Variants in SEMA6D observed in about 807,000 individuals in gnomAD.
SEMA6D encodes the protein semaphorin 6D.
Under a neutral mutation model 106.6 loss-of-function variants are expected in SEMA6D, and 35 were observed. That is an observed-to-expected ratio of 0.33 (90% CI 0.25 to 0.44). The LOEUF is 0.44. Among genes scored for constraint, SEMA6D ranks in the 20% least tolerant of loss-of-function variants. The probability of loss-of-function intolerance (pLI) is 1.00; values close to 1 mark genes in which losing one functional copy is unlikely to be tolerated. For synonymous variants in SEMA6D, 499 were observed against 487.7 expected (o/e 1.02, Z -0.31); for missense variants, 1,185 against 1,345.9 (o/e 0.88, Z 1.87).
At chr15:47,246,633 C>T (rs528280775) in intron 1 of SEMA6D, among the ~76,000 whole-genome samples, 1 of 152,326 alleles carries the variant, frequency 6.6e-6, no homozygotes, top group African/African-American at 2.4e-5. Context: ...TCTGACCCTT[C>T]TCCCATCATT....
intron 1 of SEMA6D, among the ~76,000 whole-genome samples, chr15:47,400,938 A>G (rs562623937): frequency 6.6e-6 from 1 of 152,334 alleles, no homozygotes; most frequent in South Asian, 2.1e-4. Flanking sequence ...AATTAACGGT[A>G]TAGATTCAAG....
chr15:47,222,777 T>A (rs1290439974), intron 1 of SEMA6D, among the ~76,000 whole-genome samples: 1 of 152,222 alleles, frequency 6.6e-6, no homozygotes, highest in Non-Finnish European at 1.5e-5. Flanking sequence ...TATTAACAGA[T>A]GCCCAGTCTC....
At chr15:47,639,666 T>C (rs1024427866) in intron 4 of SEMA6D, among the ~76,000 whole-genome samples, 5 of 152,248 alleles carry the variant, frequency 3.3e-5, no homozygotes, top group African/African-American at 1.2e-4. Flanking sequence ...AGAAGTCATG[T>C]TGATGGCATG....
At chr15:47,355,242 A>G (rs1409373758) in intron 1 of SEMA6D, among the ~76,000 whole-genome samples, 2 of 152,236 alleles carry the variant, frequency 1.3e-5, no homozygotes, top group African/African-American at 4.8e-5. Context: ...TCAGTTAAAT[A>G]CAGATAAGAG....
chr15:47,245,639 C>A (rs1343494325), intron 1 of SEMA6D, among the ~76,000 whole-genome samples: 1 of 152,188 alleles, frequency 6.6e-6, no homozygotes, highest in African/African-American at 2.4e-5. Context: ...TTATTATTCA[C>A]AATCTCTTTC....
chr15:47,383,458 C>T (rs12910916), intron 1 of SEMA6D, among the ~76,000 whole-genome samples: 33,426 of 152,048 alleles, frequency 0.22, 3,959 homozygotes, highest in Middle Eastern at 0.34. Flanking sequence ...ATTTTGAAAC[C>T]GGCCAGTGCT....
intron 1 of SEMA6D, among the ~76,000 whole-genome samples, chr15:47,206,971 A>G (rs1895114359): frequency 6.6e-6 from 1 of 152,144 alleles, no homozygotes; most frequent in Admixed American, 6.6e-5. Context: ...AAGAGAGAGA[A>G]AAAATAACTT....
intron 4 of SEMA6D, among the ~76,000 whole-genome samples, chr15:47,628,375 G>T (rs77982052): frequency 0.058 from 8,744 of 151,986 alleles, 281 homozygotes; most frequent in African/African-American, 0.082. Flanking sequence ...TTTCTATTCT[G>T]ACCAGCAAGG....
chr15:47,741,536 G>T (rs376364163), intron 1 of SEMA6D, among the ~76,000 whole-genome samples: 4 of 152,140 alleles, frequency 2.6e-5, no homozygotes, highest in African/African-American at 9.7e-5. Flanking sequence ...GACCAACGTG[G>T]AGAAACCTCG....
At chr15:47,400,296 C>G (rs1434346156) in intron 1 of SEMA6D, among the ~76,000 whole-genome samples, 2 of 152,072 alleles carry the variant, frequency 1.3e-5, no homozygotes, top group African/African-American at 4.8e-5. Flanking sequence ...TCAAGACCAG[C>G]TTGGCCAACA....
At chr15:47,184,134 G>GA (rs1483550836) in exon 1 of SEMA6D, 1 of 152,770 alleles carries the variant, frequency 6.5e-6, no homozygotes, top group African/African-American at 2.4e-5. Flanking sequence ...GGAAGGAGTG[G>GA]AGGGCTGCTG....
intron 3 of SEMA6D, among the ~76,000 whole-genome samples, chr15:47,590,200 A>C (rs1244874454): frequency 2.8e-4 from 42 of 152,196 alleles, no homozygotes; most frequent in Non-Finnish European, 5.9e-5. Flanking sequence ...CTATGCAGCC[A>C]TAAAAAAGAA....
At chr15:47,446,298 G>A (rs1279719628) in intron 2 of SEMA6D, among the ~76,000 whole-genome samples, 3 of 152,164 alleles carry the variant, frequency 2.0e-5, no homozygotes, top group Non-Finnish European at 4.4e-5. Flanking sequence ...AGCCTTGGGG[G>A]AAGCCAGCGC....
At chr15:47,610,946 T>C (rs1310608070) in intron 4 of SEMA6D, among the ~76,000 whole-genome samples, 1 of 152,170 alleles carries the variant, frequency 6.6e-6, no homozygotes, top group African/African-American at 2.4e-5. Context: ...TAAAAAGATT[T>C]TAAAACAGCT....
chr15:47,505,180 T>A (rs185192874), intron 3 of SEMA6D, among the ~76,000 whole-genome samples: 2 of 152,270 alleles, frequency 1.3e-5, no homozygotes, highest in East Asian at 3.9e-4. Flanking sequence ...AATATGCTCT[T>A]CTGTCCCACC....
rs377721966 is a variant in SEMA6D at position 47,327,115 on chromosome 15, T to G, written c.-238-85278T>G. ...ACTGTGTGGATACCCTGCTCAGGCC[T>G]TGGCATCCCCTGGAACTGGGCCAGC... On this transcript the variant is annotated intron_variant, in intron 1 of 19. Coordinates refer to the SEMA6D transcript ENST00000558014. Among the ~76,000 whole-genome samples the G allele has an allele frequency of 6.6e-5, 10 of 152,312 alleles. No homozygotes were observed. The South Asian group carries it at 1.9e-3, about 28-fold the overall frequency.
intron 1 of SEMA6D, among the ~76,000 whole-genome samples, chr15:47,755,203 G>A (rs748039538): frequency 2.6e-5 from 4 of 151,994 alleles, no homozygotes; most frequent in Non-Finnish European, 4.4e-5. Flanking sequence ...CCCCGCCTCG[G>A]CCTCCCAAAG....
chr15:47,695,474 C>T (rs889964076), intron 4 of SEMA6D, among the ~76,000 whole-genome samples: 1 of 151,940 alleles, frequency 6.6e-6, no homozygotes, highest in African/African-American at 2.4e-5. Context: ...CTGATAACCT[C>T]TACATAGGAA....
chr15:47,496,523 T>C (rs1352527654), intron 3 of SEMA6D, among the ~76,000 whole-genome samples: 2 of 152,036 alleles, frequency 1.3e-5, no homozygotes, highest in African/African-American at 4.8e-5. Context: ...CTCCACAAGC[T>C]TATGTTTTCA....
Sources: gnomAD v4.1 joint callset for allele counts (sites outside exome capture counted in the v4.1 genomes callset) on GRCh38, gnomAD v4.1.1 for gene constraint, MANE v1.5 for transcripts, NCBI Gene and HGNC (gene_info 2026-07-23, HGNC 2026-07-21) for gene names.